The following EPN1 variants were observed in gnomAD, a reference collection of about 807,000 sequenced individuals.
EPN1 encodes the protein epsin 1.
Under a neutral mutation model 56.9 loss-of-function variants are expected in EPN1, and 25 were observed. That is an observed-to-expected ratio of 0.44 (90% CI 0.32 to 0.61). The LOEUF (loss-of-function observed/expected upper bound fraction) is 0.61. Among genes scored for constraint, EPN1 ranks in the 20% least tolerant of loss-of-function variants. EPN1 has a pLI of 0.05. For synonymous variants in EPN1, 411 were observed against 361.8 expected (o/e 1.14, Z -1.54); for missense variants, 785 against 823.7 (o/e 0.95, Z 0.58).
In EPN1 at chr19:55,699,482, G is replaced by A. The variant is rs943424299; in HGVS notation, c.*4126G>A. 5 of 152,094 alleles carry A rather than the reference G, an allele frequency of 3.3e-5. No individual in the cohort carries two copies. The highest frequency in any genetic ancestry group is 7.3e-5 in the African/African-American group (3 of 41,368). The allele number at this position is 152,094 out of a possible 1,614,324, so 9.4% of individuals were successfully genotyped here. ...AGGCCCTTCACTGTGGTGAGAAACC[G>A]GCCTACTCACATCACAGGTGCCCCT... On this transcript the variant is annotated 3_prime_UTR_variant, in exon 11 of 11. Coordinates refer to ENST00000270460, the MANE Select transcript of EPN1 (RefSeq NM_001130072.2).
intron 1 of EPN1, among the ~76,000 whole-genome samples, chr19:55,676,035 C>T (rs924665989): frequency 6.6e-6 from 1 of 152,166 alleles, no homozygotes; most frequent in African/African-American, 2.4e-5. Context: ...CGGCTGCCTG[C>T]TAAGCTGTGT....
At chr19:55,685,327 C>T (rs113685587) in intron 2 of EPN1, 69 bp from the exon 3 acceptor site, 36,169 of 1,547,856 alleles carry the variant, frequency 0.023, 478 homozygotes, top group Non-Finnish European at 0.027. Flanking sequence ...CCAGAGCCCG[C>T]GTCGCAGGCA....
chr19:55,693,870 A>G (rs1986739971), intron 9 of EPN1, among the ~76,000 whole-genome samples: 1 of 152,090 alleles, frequency 6.6e-6, no homozygotes, highest in East Asian at 1.9e-4. Flanking sequence ...TTTTTGTCCC[A>G]TACAAATGTG....
Position 55,709,089 on chromosome 19 carries a change from A to C in EPN1, c.*13733A>C, listed in dbSNP as rs778652280. ...GTTTTTTTTTTTGTTTTTCATTTTT[A>C]CACAGTATTGCCTCTCTACATTCTG... On this transcript the variant is annotated 3_prime_UTR_variant, in exon 11 of 11. Coordinates refer to ENST00000270460, the MANE Select transcript of EPN1 (RefSeq NM_001130072.2). 6 of 1,450,930 alleles carry C rather than the reference A, an allele frequency of 4.1e-6. No homozygotes were observed. The allele number at this position is 1,450,930 out of a possible 1,614,324, so 89.9% of individuals were successfully genotyped here. A position where few individuals can be genotyped will look rare whatever the true frequency, so the allele number is the denominator to read the frequency against.
At chr19:55,680,102 G>C (rs1320765925) in intron 2 of EPN1, among the ~76,000 whole-genome samples, 1 of 152,194 alleles carries the variant, frequency 6.6e-6, no homozygotes, top group African/African-American at 2.4e-5. Flanking sequence ...CTGGCAGCCA[G>C]GGTGGACGGC....
Position 55,694,693 on chromosome 19 carries a change from C to A in EPN1, c.1265-33C>A. On this transcript the variant is annotated intron_variant, in intron 9 of 10. Coordinates refer to ENST00000270460, the MANE Select transcript of EPN1 (RefSeq NM_001130072.2). The surrounding 1 kb of genome is among the most constrained non-coding windows in gnomAD (Gnocchi z 4.2). ...CGGGTTGGAGCCTCACTGCTGTCTG[C>A]CCTGTCTGAGCCCCTCTCCCGGATC... 1 of 1,529,150 alleles carries A rather than the reference C, an allele frequency of 6.5e-7. No homozygotes were observed. 94.7% of individuals were successfully genotyped at this position (1,529,150 alleles called of 1,614,324 possible). A position where few individuals can be genotyped will look rare whatever the true frequency, so the allele number is the denominator to read the frequency against.
At chr19:55,686,945 G>A (rs1051585834) in intron 3 of EPN1, among the ~76,000 whole-genome samples, 1 of 151,990 alleles carries the variant, frequency 6.6e-6, no homozygotes, top group African/African-American at 2.4e-5. Flanking sequence ...TTTGTGCAAG[G>A]CCAGAGCTAA....
At chr19:55,690,026 G>C in intron 6 of EPN1, 76 bp downstream of exon 6, 2 of 1,369,380 alleles carry the variant, frequency 1.5e-6, no homozygotes, top group Admixed American at 4.3e-5. Flanking sequence ...TGCGTGGCCA[G>C]GTCCCTGGAG....
Position 55,694,212 on chromosome 19 carries a change from C to T in EPN1, c.1265-514C>T, listed in dbSNP as rs113268928. 1 of 144,802 alleles carries T rather than the reference C, an allele frequency of 6.9e-6. No homozygotes were observed. The highest frequency in any genetic ancestry group is 1.5e-5 in the Non-Finnish European group (1 of 66,928). 9.0% of individuals were successfully genotyped at this position (144,802 alleles called of 1,614,324 possible). A position where few individuals can be genotyped will look rare whatever the true frequency, so the allele number is the denominator to read the frequency against. On this transcript the variant is annotated intron_variant, in intron 9 of 10. Transcript: ENST00000270460. This position sits in a 1 kb window ranked among gnomAD's most constrained non-coding sequence, Gnocchi z 4.2. Reference sequence around the variant, plus strand: ...CCAACTGGGGAAACGAGCGACACTCCGTCTCAGAAAAAAAAAAAAAAAAAA... The same window carrying T: ...CCAACTGGGGAAACGAGCGACACTCTGTCTCAGAAAAAAAAAAAAAAAAAA...
At position 55,695,399 on chromosome 19, in the gene EPN1, C is replaced by T. The variant is rs1476208426; in HGVS notation, c.*43C>T. ...CCTGGCTCCATCCGGCTGCCCCATT[C>T]CGGCTCCCTGGGAGATCAGTGTTGT... On this transcript the variant is annotated 3_prime_UTR_variant, in exon 11 of 11. Transcript: ENST00000270460. The surrounding 1 kb of genome is among the most constrained non-coding windows in gnomAD (Gnocchi z 4.4). 2.7e-6 allele frequency: 3 copies of T among 1,103,296 alleles called. No individual in the cohort carries two copies. The highest frequency in any genetic ancestry group is 2.2e-5 in the Admixed American group (1 of 45,054). 68.3% of individuals were successfully genotyped at this position (1,103,296 alleles called of 1,614,324 possible).
chr19:55,702,488 T>G lies in EPN1; in HGVS notation c.*7132T>G, dbSNP rs1263824655. ...CTGTTTTCACTGGGGCCCATCTATG[T>G]ATGTGGCTTGGTGATTACCCAGGAA... On this transcript the variant is annotated 3_prime_UTR_variant, in exon 11 of 11. Coordinates refer to ENST00000270460, the MANE Select transcript of EPN1 (RefSeq NM_001130072.2). 6.6e-5 allele frequency: 10 copies of G among 152,162 alleles called. No homozygotes were observed. Among genetic ancestry groups the G allele is most frequent in the Non-Finnish European group, 4.4e-5 (3 of 68,034 alleles). 9.4% of individuals were successfully genotyped at this position (152,162 alleles called of 1,614,324 possible). A position where few individuals can be genotyped will look rare whatever the true frequency, so the allele number is the denominator to read the frequency against.
At position 55,691,930 on chromosome 19, in the gene EPN1, C is replaced by A. The variant is rs1414916939; in HGVS notation, c.939C>A (p.Pro313=). The A allele has an allele frequency of 2.8e-5, 44 of 1,553,994 alleles. No homozygotes were observed. Among genetic ancestry groups the A allele is most frequent in the Non-Finnish European group, 3.6e-5 (41 of 1,151,570 alleles). ...PAADPWGGPA[P]TPASGDPWRP... The stretch of plus-strand genomic sequence containing the variant: ...CTGATCCCTGGGGAGGTCCAGCCCC[C>A]ACGCCGGCCTCTGGGGACCCCTGGA... Residue 313 remains proline (P), a synonymous_variant, in exon 7 of 11, where the codon CCC becomes CCA. Transcript: ENST00000270460. This position sits in a 1 kb window ranked among gnomAD's most constrained non-coding sequence, Gnocchi z 5.6.
chr19:55,681,036 T>G (rs1042282537), intron 2 of EPN1, among the ~76,000 whole-genome samples: 22 of 152,164 alleles, frequency 1.4e-4, no homozygotes, highest in Non-Finnish European at 2.9e-4. Context: ...CCGAGGCTCG[T>G]GGGGGAGCTG....
rs533849729 is a variant in EPN1, at chr19:55,689,632, C to T, written c.679-235C>T. On this transcript the variant is annotated intron_variant, in intron 5 of 10. Transcript: ENST00000270460. This position sits in a 1 kb window ranked among gnomAD's most constrained non-coding sequence, Gnocchi z 5.7. ...CCCAACGCAGGAGATACCACCGAGG[C>T]GGGTGCCCGTCCTCCCCGGGTGCGC... 1.9e-3 allele frequency among the ~76,000 whole-genome samples: 284 copies of T among 152,332 alleles called. 2 individuals carry two copies. The highest frequency in any genetic ancestry group is 2.7e-3 in the Non-Finnish European group (181 of 68,012).
chr19:55,676,144 T>C (rs1985405068), intron 1 of EPN1, among the ~76,000 whole-genome samples: 1 of 152,216 alleles, frequency 6.6e-6, no homozygotes, highest in Non-Finnish European at 1.5e-5. Flanking sequence ...ATAGGGTCCT[T>C]GTGCATGTAA....
At chr19:55,679,070 C>A (rs901262723) in intron 2 of EPN1, among the ~76,000 whole-genome samples, 1 of 152,238 alleles carries the variant, frequency 6.6e-6, no homozygotes, top group African/African-American at 2.4e-5. Context: ...GTGGTGCGTA[C>A]GTAAGATTCA....
At chr19:55,680,251 T>C (rs1393263452) in intron 2 of EPN1, among the ~76,000 whole-genome samples, 1 of 152,166 alleles carries the variant, frequency 6.6e-6, no homozygotes. Flanking sequence ...GATGCACATA[T>C]TTCATAACTG....
Position 55,691,777 on chromosome 19 carries a change from C to T in EPN1, c.786C>T (p.Asp262=), listed in dbSNP as rs373830625. ...KEESSLMDLA[D]VFTAPAPAPT... Reference sequence around the variant, plus strand: ...AGTCGTCCCTCATGGACCTTGCTGACGTCTTCACGGCCCCAGCTCCTGCCC... The same window carrying T: ...AGTCGTCCCTCATGGACCTTGCTGATGTCTTCACGGCCCCAGCTCCTGCCC... The change falls in exon 7 of 11, where the codon GAC becomes GAT. Residue 262 remains aspartate (D), a synonymous_variant. Transcript: ENST00000270460. This position sits in a 1 kb window ranked among gnomAD's most constrained non-coding sequence, Gnocchi z 5.6. 1.0e-4 allele frequency: 166 copies of T among 1,612,794 alleles called. No homozygotes were observed. Among genetic ancestry groups the T allele is most frequent in the Admixed American group, 5.2e-4 (31 of 59,892 alleles).
rs1987414671 is a variant in EPN1, at chr19:55,706,303, A to G, written c.*10947A>G. ...TTCTTCTTTTTTTTTTTTTTTTAAA[A>G]GACCGTGTTTCGCTCTGTCACCCAG... On this transcript the variant is annotated 3_prime_UTR_variant, in exon 11 of 11. Coordinates refer to ENST00000270460, the MANE Select transcript of EPN1 (RefSeq NM_001130072.2). The G allele has an allele frequency of 1.1e-5, 1 of 87,238 alleles. No individual in the cohort carries two copies. Among genetic ancestry groups the G allele is most frequent in the Non-Finnish European group, 2.1e-5 (1 of 47,890 alleles). The allele number at this position is 87,238 out of a possible 1,614,324, so 5.4% of individuals were successfully genotyped here. A position where few individuals can be genotyped will look rare whatever the true frequency, so the allele number is the denominator to read the frequency against.
Sources: allele counts gnomAD v4.1 joint callset (sites outside exome capture counted in the v4.1 genomes callset), GRCh38; gene constraint gnomAD v4.1.1; non-coding constraint Gnocchi (gnomAD v3.1); transcripts MANE v1.5; gene names NCBI Gene and HGNC (gene_info 2026-07-23, HGNC 2026-07-21).